PALM2AKAP2: variants seen among roughly 807,000 people sequenced by gnomAD.
PALM2AKAP2 encodes PALM2 and AKAP2 fusion, also known as PALM2-AKAP2 fusion protein.
A neutral mutation model predicts 71.5 loss-of-function variants in PALM2AKAP2; 37 were observed. That is an observed-to-expected ratio of 0.52 (90% confidence interval 0.40 to 0.68). The LOEUF (loss-of-function observed/expected upper bound fraction) is 0.68. Among genes scored for constraint, PALM2AKAP2 ranks in the 30% least tolerant of loss-of-function variants. The probability of loss-of-function intolerance (pLI) is 0.00; values close to 1 mark genes in which losing one functional copy is unlikely to be tolerated. For missense variants in PALM2AKAP2, 1,224 were observed against 1,191.8 expected (o/e 1.03, Z -0.40); for synonymous variants, 468 against 478.8 (o/e 0.98, Z 0.29).
chr9:109,691,151 C>A lies in PALM2AKAP2; in HGVS notation c.5+50285C>A, dbSNP rs1371515340. Among the ~76,000 whole-genome samples, 4 of 143,532 alleles carry A rather than the reference C, an allele frequency of 2.8e-5. No homozygotes were observed. The Admixed American group carries it at 2.8e-4, about 10-fold the overall frequency. 94.2% of individuals were successfully genotyped at this position (143,532 alleles called of 152,430 possible). A position where few individuals can be genotyped will look rare whatever the true frequency, so the allele number is the denominator to read the frequency against. ...AAGTGCTTCGATCTCTGAGAGGTACCAATGTTGCATTACTTTGAATTTTAC... is the reference window on the plus strand; with the variant it reads ...AAGTGCTTCGATCTCTGAGAGGTACAAATGTTGCATTACTTTGAATTTTAC... On this transcript the variant is annotated intron_variant, in intron 1 of 6. Transcript: ENST00000374531.
At chr9:109,904,225 A>G (rs1830393191) in intron 3 of PALM2AKAP2, among the ~76,000 whole-genome samples, 1 of 152,368 alleles carries the variant, frequency 6.6e-6, no homozygotes, top group East Asian at 1.9e-4. Flanking sequence ...CATCATTATA[A>G]CCATTTTATA....
intron 1 of PALM2AKAP2, among the ~76,000 whole-genome samples, chr9:109,755,958 A>G (rs7848414): frequency 0.3 from 46,153 of 151,696 alleles, 7,109 homozygotes; most frequent in Middle Eastern, 0.4. Context: ...ATGCAGATTC[A>G]TTTTGATTTT....
intron 3 of PALM2AKAP2, among the ~76,000 whole-genome samples, chr9:109,892,170 G>T (rs1830104543): frequency 6.6e-6 from 1 of 152,144 alleles, no homozygotes; most frequent in Non-Finnish European, 1.5e-5. Context: ...TACTGGCAGG[G>T]CTGTGCTTTC....
chr9:109,758,486 A>T (rs1399739668), intron 1 of PALM2AKAP2, among the ~76,000 whole-genome samples: 1 of 151,996 alleles, frequency 6.6e-6, no homozygotes, highest in Non-Finnish European at 1.5e-5. Flanking sequence ...CTGCTAGCAA[A>T]CTTGGTACAT....
chr9:110,048,410 G>A (rs1423733197), upstream of PALM2AKAP2, among the ~76,000 whole-genome samples: 3 of 152,174 alleles, frequency 2.0e-5, no homozygotes, highest in East Asian at 3.9e-4. Context: ...CCCAGACACA[G>A]CGCTCCCCTG....
intron 1 of PALM2AKAP2, among the ~76,000 whole-genome samples, chr9:109,708,933 A>G (rs537367966): frequency 6.6e-6 from 1 of 152,308 alleles, no homozygotes; most frequent in South Asian, 2.1e-4. Flanking sequence ...AAGGCTGTGC[A>G]GGAGAATTCA....
Position 110,150,995 on chromosome 9 carries a change from A to G in PALM2AKAP2, c.2570-5324A>G, listed in dbSNP as rs114083653. Among the ~76,000 whole-genome samples the G allele has an allele frequency of 2.2e-3, 336 of 152,260 alleles. 2 individuals carry two copies. Among genetic ancestry groups the G allele is most frequent in the African/African-American group, 7.6e-3 (317 of 41,556 alleles). On this transcript the variant is annotated intron_variant, in intron 2 of 3. Coordinates refer to ENST00000374525, the Ensembl canonical transcript of PALM2AKAP2. ...CCATAGCTAACTTAACCATTCTTCA[A>G]TAGGAAGATATCTTGGTGTAGTTAA...
At chr9:109,977,744 T>C (rs10739286) in intron 6 of PALM2AKAP2, among the ~76,000 whole-genome samples, 122,774 of 152,162 alleles carry the variant, frequency 0.81, 49,577 homozygotes, top group Admixed American at 0.83. Context: ...CTTTAAATGC[T>C]ACTGGGACTC....
intron 1 of PALM2AKAP2, among the ~76,000 whole-genome samples, chr9:110,058,094 T>C (rs1833884573): frequency 1.3e-5 from 2 of 152,162 alleles, no homozygotes; most frequent in Non-Finnish European, 2.9e-5. Flanking sequence ...AAAATATCAA[T>C]GGTGCCAATG....
rs1446121149 is a variant in PALM2AKAP2 at position 109,741,070 on chromosome 9, A to G, written c.6-39418A>G. Among the ~76,000 whole-genome samples, 4 of 152,198 alleles carry G rather than the reference A, an allele frequency of 2.6e-5. No homozygotes were observed. The East Asian group carries it at 7.7e-4, about 29-fold the overall frequency. On this transcript the variant is annotated intron_variant, in intron 1 of 6. Transcript: ENST00000374531. ...TCTGGCAATTTTATACTCTGCAACTATCATGCAAACCTAGACATAGAGGAT... is the reference window on the plus strand; with the variant it reads ...TCTGGCAATTTTATACTCTGCAACTGTCATGCAAACCTAGACATAGAGGAT...
At chr9:109,652,992 C>A (rs1260445316) in intron 1 of PALM2AKAP2, among the ~76,000 whole-genome samples, 1 of 152,188 alleles carries the variant, frequency 6.6e-6, no homozygotes, top group Admixed American at 6.5e-5. Flanking sequence ...ATAAAAAAAT[C>A]TTTAATGTTT....
chr9:109,867,304 C>A, intron 1 of PALM2AKAP2, 187 bp from the exon 2 acceptor site: 1 of 574,644 alleles, frequency 1.7e-6, no homozygotes, highest in South Asian at 1.7e-5. Flanking sequence ...CTACAGCAGA[C>A]ATGTTAGGAG....
chr9:110,002,307 G>A (rs1217223990), intron 6 of PALM2AKAP2, among the ~76,000 whole-genome samples: 22 of 152,044 alleles, frequency 1.4e-4, no homozygotes, highest in Non-Finnish European at 2.2e-4. Context: ...TTTATATGCT[G>A]GATTATGTTT....
At chr9:109,726,736 A>G (rs78732614) in intron 1 of PALM2AKAP2, among the ~76,000 whole-genome samples, 6,604 of 152,332 alleles carry the variant, frequency 0.043, 194 homozygotes, top group Non-Finnish European at 0.053. Flanking sequence ...TGATATGCTT[A>G]GGGAAGCTTC....
exon 6 of PALM2AKAP2, chr9:109,931,994 A>G (rs373349447): frequency 6.8e-6 from 11 of 1,613,936 alleles, no homozygotes; most frequent in East Asian, 6.7e-5. Context: ...CAGCAGAACC[A>G]TCACCTGGGC....
intron 7 of PALM2AKAP2, among the ~76,000 whole-genome samples, chr9:110,019,028 T>C (rs1362960208): frequency 6.6e-6 from 1 of 151,842 alleles, no homozygotes; most frequent in Non-Finnish European, 1.5e-5. Context: ...GATCACAAGG[T>C]CAGGAGATCG....
At chr9:109,653,013 T>C (rs1271797945) in intron 1 of PALM2AKAP2, among the ~76,000 whole-genome samples, 1 of 152,186 alleles carries the variant, frequency 6.6e-6, no homozygotes, top group Non-Finnish European at 1.5e-5. Flanking sequence ...GGACTAGTCA[T>C]CTTACAACTG....
At chr9:110,021,774 T>G (rs1246484674) in intron 7 of PALM2AKAP2, among the ~76,000 whole-genome samples, 1 of 151,620 alleles carries the variant, frequency 6.6e-6, no homozygotes, top group Non-Finnish European at 1.5e-5. Context: ...GGATCAGTAT[T>G]TCTTGAAATG....
chr9:110,102,178 C>G (rs923254552), intron 1 of PALM2AKAP2, among the ~76,000 whole-genome samples: 1 of 152,228 alleles, frequency 6.6e-6, no homozygotes, highest in African/African-American at 2.4e-5. Flanking sequence ...CTTTCTACCT[C>G]TGTAGGACGG....
Sources: allele counts gnomAD v4.1 joint callset (sites outside exome capture counted in the v4.1 genomes callset), GRCh38; gene constraint gnomAD v4.1.1; transcripts MANE v1.5; gene names NCBI Gene and HGNC (gene_info 2026-07-23, HGNC 2026-07-21).